CECR2: variants seen among roughly 807,000 people sequenced by gnomAD.
CECR2 encodes chromatin remodeling regulator CECR2.
In CECR2, 30 loss-of-function variants were observed where a neutral mutation model predicts 154.5. The ratio of observed to expected loss-of-function variants is 0.19; its 90% CI spans 0.15 to 0.26. CECR2 has a LOEUF of 0.26. Among genes scored for constraint, CECR2 ranks in the 10% least tolerant of loss-of-function variants. The pLI, the probability that CECR2 is intolerant of heterozygous loss-of-function variation, is 1.00. For synonymous variants in CECR2, 725 were observed against 683.7 expected (o/e 1.06, Z -0.94); for missense variants, 1,743 against 1,829.3 (o/e 0.95, Z 0.86).
chr22:17,445,543 TTTATTATTATTATTATTA>T (rs3994823), intron 1 of CECR2, among the ~76,000 whole-genome samples: 6,349 of 141,436 alleles, frequency 0.045, 255 homozygotes, highest in African/African-American at 0.11. Flanking sequence ...TGCTCTATAC[TTTATTATTATTATTATTA>T]TTATTATTAT....
chr22:17,435,299 A>G (rs2054487459), intron 1 of CECR2, among the ~76,000 whole-genome samples: 1 of 152,150 alleles, frequency 6.6e-6, no homozygotes, highest in South Asian at 2.1e-4. Flanking sequence ...GCAATTTCTT[A>G]TGCATTCCAT....
intron 5 of CECR2, 98 bp from the exon 6 acceptor site, chr22:17,502,983 CT>C (rs1569126064): frequency 1.4e-5 from 14 of 1,017,496 alleles, no homozygotes; most frequent in Non-Finnish European, 1.9e-5. Flanking sequence ...CATACACTCT[CT>C]TTGTGTTAAA....
chr22:17,427,642 A>T (rs1407924666), intron 1 of CECR2, among the ~76,000 whole-genome samples: 2 of 152,140 alleles, frequency 1.3e-5, no homozygotes, highest in Non-Finnish European at 2.9e-5. Flanking sequence ...AAGATTTATT[A>T]TGAAGAGCAA....
intron 1 of CECR2, among the ~76,000 whole-genome samples, chr22:17,390,444 T>TC: frequency 1.3e-5 from 2 of 152,310 alleles, no homozygotes; most frequent in South Asian, 4.1e-4. Context: ...TTACTGTTTT[T>TC]CTCTTATAAT....
chr22:17,371,169 G>T (rs2063056078), intron 1 of CECR2, among the ~76,000 whole-genome samples: 1 of 152,092 alleles, frequency 6.6e-6, no homozygotes, highest in African/African-American at 2.4e-5. Flanking sequence ...TGCTTCTTCT[G>T]TGAATGAAGT....
intron 7 of CECR2, among the ~76,000 whole-genome samples, chr22:17,511,098 A>T (rs1289669628): frequency 1.3e-5 from 2 of 152,198 alleles, no homozygotes; most frequent in Admixed American, 1.3e-4. Context: ...AAGTTATGTT[A>T]TCTTAAGGGA....
intron 8 of CECR2, chr22:17,518,655 G>T: frequency 2.3e-6 from 1 of 442,158 alleles, no homozygotes; most frequent in Non-Finnish European, 4.6e-6. Context: ...GATTGAATTT[G>T]CTGAACCATT....
At chr22:17,367,984 G>C (rs141964744), upstream of CECR2, among the ~76,000 whole-genome samples, 2 of 152,308 alleles carry the variant, frequency 1.3e-5, no homozygotes, top group East Asian at 3.9e-4. Flanking sequence ...TCCAGGGAAT[G>C]AAAGAGCAGA....
At chr22:17,552,772 A>C in intron 18 of CECR2, 63 bp from the exon 19 acceptor site, 1 of 418,742 alleles carries the variant, frequency 2.4e-6, no homozygotes, top group Non-Finnish European at 3.5e-6. Flanking sequence ...TGGCTTACTT[A>C]AGTTTTTTTT....
intron 1 of CECR2, among the ~76,000 whole-genome samples, chr22:17,392,458 A>C (rs2063335967): frequency 6.6e-6 from 1 of 152,144 alleles, no homozygotes. Context: ...ATTGCACTCC[A>C]GCCTGGGCGA....
At chr22:17,549,708 G>T (rs2056676623) in intron 17 of CECR2, 144 bp downstream of exon 17, 2 of 671,016 alleles carry the variant, frequency 3.0e-6, no homozygotes, top group Non-Finnish European at 5.0e-6. Flanking sequence ...GACCTCCCAG[G>T]CTCAAGGATC....
upstream of CECR2, among the ~76,000 whole-genome samples, chr22:17,369,067 G>T (rs1007608460): frequency 1.1e-4 from 17 of 152,176 alleles, no homozygotes; most frequent in African/African-American, 3.4e-4. Context: ...AATAATAACT[G>T]AACTCCCACA....
intron 1 of CECR2, among the ~76,000 whole-genome samples, chr22:17,393,150 T>C (rs2053756695): frequency 1.3e-5 from 2 of 152,212 alleles, no homozygotes; most frequent in African/African-American, 4.8e-5. Context: ...AGAAACCCTG[T>C]ACCCTTGAGC....
chr22:17,469,264 C>A (rs1035776300), intron 1 of CECR2, among the ~76,000 whole-genome samples: 2 of 151,970 alleles, frequency 1.3e-5, no homozygotes, highest in Non-Finnish European at 2.9e-5. Context: ...GCTGACCTCA[C>A]CTCCCTACAC....
At chr22:17,532,063 G>A (rs992354315) in intron 9 of CECR2, among the ~76,000 whole-genome samples, 1 of 151,976 alleles carries the variant, frequency 6.6e-6, no homozygotes, top group Non-Finnish European at 1.5e-5. Flanking sequence ...CCAGCTACTC[G>A]GGAGGCTGAG....
At chr22:17,537,360 A>G in intron 10 of CECR2, 128 bp downstream of exon 10, 1 of 1,127,664 alleles carries the variant, frequency 8.9e-7, no homozygotes, top group Non-Finnish European at 1.3e-6. Context: ...GTGAGTGAAC[A>G]GGGCGGGCCC....
intron 1 of CECR2, among the ~76,000 whole-genome samples, chr22:17,433,783 C>T (rs570998078): frequency 1.1e-4 from 17 of 152,218 alleles, no homozygotes; most frequent in Admixed American, 5.9e-4. Flanking sequence ...TATCCAAATA[C>T]AGTTGAATGC....
At chr22:17,403,314 T>G (rs2053925689) in intron 1 of CECR2, among the ~76,000 whole-genome samples, 1 of 152,216 alleles carries the variant, frequency 6.6e-6, no homozygotes, top group African/African-American at 2.4e-5. Context: ...TTTTTATCCA[T>G]TCACCAGATG....
At chr22:17,531,796 A>G (rs533374834) in intron 9 of CECR2, among the ~76,000 whole-genome samples, 65 of 152,342 alleles carry the variant, frequency 4.3e-4, no homozygotes, top group Non-Finnish European at 7.2e-4. Flanking sequence ...AAAACAACCA[A>G]TGTGGAAAAG....
Sources: allele counts gnomAD v4.1 joint callset (sites outside exome capture counted in the v4.1 genomes callset), GRCh38; gene constraint gnomAD v4.1.1; transcripts MANE v1.5; gene names NCBI Gene and HGNC (gene_info 2026-07-23, HGNC 2026-07-21).